The following ACSL3 variants were observed in gnomAD, a reference collection of about 807,000 sequenced individuals.
ACSL3 encodes acyl-CoA synthetase long chain family member 3.
ACSL3 carries 34 observed loss-of-function variants against 84.7 expected under a neutral mutation model. The ratio of observed to expected loss-of-function variants is 0.40; its 90% CI spans 0.31 to 0.53. The LOEUF (loss-of-function observed/expected upper bound fraction) is 0.53, where lower values mean the gene tolerates loss of function less well. Among genes scored for constraint, ACSL3 ranks in the 20% least tolerant of loss-of-function variants. The probability of loss-of-function intolerance (pLI) is 0.48; values close to 1 mark genes in which losing one functional copy is unlikely to be tolerated. For synonymous variants in ACSL3, 315 were observed against 299.4 expected (o/e 1.05, Z -0.54); for missense variants, 680 against 873.1 (o/e 0.78, Z 2.79).
intron 2 of ACSL3, among the ~76,000 whole-genome samples, chr2:222,896,832 C>T (rs1162278014): frequency 7.5e-4 from 10 of 13,366 alleles, no homozygotes; most frequent in African/African-American, 2.1e-3. Flanking sequence ...GGGGGGCTGA[C>T]CCCCCCACCT....
intron 1 of ACSL3, among the ~76,000 whole-genome samples, chr2:222,869,958 C>G (rs1374704969): frequency 6.6e-6 from 1 of 152,182 alleles, no homozygotes; most frequent in Non-Finnish European, 1.5e-5. Flanking sequence ...AAAGGGAGAA[C>G]TAGCAGCTAG....
intron 1 of ACSL3, among the ~76,000 whole-genome samples, chr2:222,871,292 TA>T (rs1381834337): frequency 2.6e-5 from 4 of 152,110 alleles, no homozygotes; most frequent in African/African-American, 9.7e-5. Flanking sequence ...AGAATTCAGT[TA>T]AAAAAATTTA....
chr2:222,890,706 A>G (rs1016203569), intron 2 of ACSL3, among the ~76,000 whole-genome samples: 6 of 152,144 alleles, frequency 3.9e-5, no homozygotes, highest in South Asian at 2.1e-4. Flanking sequence ...CAGTGGCGCA[A>G]TCTTGGCTCA....
At chr2:222,905,285 C>G (rs116196860) in intron 3 of ACSL3, among the ~76,000 whole-genome samples, 6,146 of 152,154 alleles carry the variant, frequency 0.04, 180 homozygotes, top group Middle Eastern at 0.058. Flanking sequence ...CTCAGTCTCC[C>G]GAGTAGCAGG....
In ACSL3 at chr2:222,916,518, C is replaced by T. The variant is rs761173268; in HGVS notation, c.556+22C>T. On this transcript the variant is annotated intron_variant, in intron 5 of 16. Coordinates refer to ENST00000357430, the MANE Select transcript of ACSL3 (RefSeq NM_004457.5). The stretch of plus-strand genomic sequence containing the variant: ...CAGCGTATGTAGACTTTCTTATCTT[C>T]TGGAAGAATGAACTTAACTGATATT... 3.9e-6 allele frequency: 6 copies of T among 1,523,562 alleles called. No homozygotes were observed. The Admixed American group carries it at 9.8e-5, about 25-fold the overall frequency. The allele number at this position is 1,523,562 out of a possible 1,614,324, so 94.4% of individuals were successfully genotyped here. A position where few individuals can be genotyped will look rare whatever the true frequency, so the allele number is the denominator to read the frequency against.
Position 222,908,987 on chromosome 2 carries a change from A to G in ACSL3, c.215A>G (p.Asn72Ser). 3 of 1,613,862 alleles carry G rather than the reference A, an allele frequency of 1.9e-6. No homozygotes were observed. Among genetic ancestry groups the G allele is most frequent in the South Asian group, 1.1e-5 (1 of 90,970 alleles). Residue 72 changes from asparagine (N) to serine (S), a missense_variant, in exon 4 of 17, where the codon AAT becomes AGT. Transcript: ENST00000357430. ...SKPDSAYRSV[N>S]SLDGLASVLY... is the part of the protein sequence containing the mutation. The stretch of plus-strand genomic sequence containing the variant: ...CCTGATTCTGCATACAGATCTGTTA[A>G]TAGTTTGGATGGTTTGGCTTCAGTA...
At chr2:222,917,923 T>A in intron 5 of ACSL3, 123 bp from the exon 6 acceptor site, 1 of 648,518 alleles carries the variant, frequency 1.5e-6, no homozygotes, top group East Asian at 2.7e-5. Context: ...ATAACACTTA[T>A]AGACTGTGGA....
At chr2:222,866,077 A>AAGTAT (rs1695130274) in intron 1 of ACSL3, among the ~76,000 whole-genome samples, 1 of 152,222 alleles carries the variant, frequency 6.6e-6, no homozygotes. Flanking sequence ...GAATAAGGAT[A>AAGTAT]ATAGCCAACA....
Position 222,883,016 on chromosome 2 carries a change from C to T in ACSL3, c.-206-4814C>T, listed in dbSNP as rs1332856918. Among the ~76,000 whole-genome samples the T allele has an allele frequency of 3.2e-4, 49 of 151,974 alleles. 1 individual carries two copies. The highest frequency in any genetic ancestry group is 3.2e-3 in the Admixed American group (49 of 15,256). ...ATCTCCTGACCTTGTGATCTGCCTG[C>T]CTTGGCTTTCCAAAGTGCTGGGATT... On this transcript the variant is annotated intron_variant, in intron 1 of 16. Coordinates refer to ENST00000357430, the MANE Select transcript of ACSL3 (RefSeq NM_004457.5).
chr2:222,878,226 A>C (rs1057374039), intron 1 of ACSL3, among the ~76,000 whole-genome samples: 8 of 152,212 alleles, frequency 5.3e-5, no homozygotes, highest in African/African-American at 1.4e-4. Context: ...GAAGGCCAAA[A>C]ATCTCATATC....
rs371178618 is a variant in ACSL3 at position 222,919,158 on chromosome 2, A to G, written c.761A>G (p.His254Arg). ...WSEFPKGIIV[H>R]TMAAVEALGA... ...GAGTTCCCCAAGGGCATCATTGTGC[A>G]TACCATGGCTGCAGTGGAGGCCCTG... Residue 254 changes from histidine (H) to arginine (R), a missense_variant, in exon 7 of 17, where the codon CAT becomes CGT. Physicochemically the swap from His to Arg is conservative, Grantham distance 29. Around this residue, in one of 2 missense-constraint regions of ACSL3, gnomAD observed 333 missense variants for 347.5 expected, o/e 0.96. Transcript: ENST00000357430. The G allele has an allele frequency of 2.3e-5, 37 of 1,614,040 alleles. No homozygotes were observed. Among genetic ancestry groups the G allele is most frequent in the Non-Finnish European group, 3.1e-5 (36 of 1,180,008 alleles).
intron 12 of ACSL3, 42 bp from the exon 13 acceptor site, chr2:222,928,820 A>G (rs757889819): frequency 6.5e-5 from 97 of 1,481,354 alleles, no homozygotes; most frequent in Non-Finnish European, 9.1e-5. Flanking sequence ...GCAGTGTATT[A>G]GCTACTGTTC....
intron 1 of ACSL3, among the ~76,000 whole-genome samples, chr2:222,867,571 T>G (rs1295791604): frequency 1.3e-5 from 2 of 152,200 alleles, no homozygotes; most frequent in African/African-American, 4.8e-5. Flanking sequence ...CTTAGCAGTG[T>G]GGTTTCATGA....
chr2:222,915,969 A>G (rs1574551747), intron 4 of ACSL3, among the ~76,000 whole-genome samples: 1 of 152,198 alleles, frequency 6.6e-6, no homozygotes, highest in African/African-American at 2.4e-5. Flanking sequence ...GTTAACACCT[A>G]CATCATTTAA....
At chr2:222,930,200 G>T (rs1696988831) in intron 13 of ACSL3, among the ~76,000 whole-genome samples, 1 of 152,086 alleles carries the variant, frequency 6.6e-6, no homozygotes. Context: ...AAAGTGTTGT[G>T]ATTACAGACA....
intron 1 of ACSL3, among the ~76,000 whole-genome samples, chr2:222,880,933 T>C (rs1464644944): frequency 6.6e-6 from 1 of 152,174 alleles, no homozygotes; most frequent in Non-Finnish European, 1.5e-5. Context: ...TTTCAAATGA[T>C]TCCTTCAGAT....
intron 2 of ACSL3, among the ~76,000 whole-genome samples, chr2:222,888,639 A>G (rs940695712): frequency 2.6e-5 from 4 of 152,344 alleles, no homozygotes; most frequent in South Asian, 2.1e-4. Flanking sequence ...AAAGGAAATC[A>G]CACAAGTAAT....
At chr2:222,930,550 A>T in intron 13 of ACSL3, 71 bp from the exon 14 acceptor site, 1 of 1,247,332 alleles carries the variant, frequency 8.0e-7, no homozygotes, top group Non-Finnish European at 1.1e-6. Flanking sequence ...ATGACTGTTT[A>T]GAAACTAGTA....
intron 5 of ACSL3, 58 bp downstream of exon 5, chr2:222,916,554 C>T: frequency 6.8e-7 from 1 of 1,477,390 alleles, no homozygotes; most frequent in African/African-American, 1.4e-5. Context: ...TATTGAAATA[C>T]TTTACTCTGA....
Sources: allele counts gnomAD v4.1 joint callset (sites outside exome capture counted in the v4.1 genomes callset), GRCh38; gene constraint gnomAD v4.1.1; regional missense constraint gnomAD v4.1.1; transcripts MANE v1.5; gene names NCBI Gene and HGNC (gene_info 2026-07-23, HGNC 2026-07-21).